Variants in ATG2B observed in about 807,000 individuals in gnomAD.
ATG2B encodes the protein autophagy-related protein 2 homolog B.
ATG2B carries 121 observed loss-of-function variants against 241.3 expected under a neutral mutation model. The observed-to-expected ratio is 0.50, with a 90% confidence interval of 0.43 to 0.58. The LOEUF is 0.58. ATG2B is among the 20% of genes least tolerant of loss of function. ATG2B has a pLI of 0.00. For missense variants in ATG2B, 2,306 were observed against 2,491.6 expected (o/e 0.93, Z 1.59); for synonymous variants, 858 against 876.6 (o/e 0.98, Z 0.37).
intron 29 of ATG2B, among the ~76,000 whole-genome samples, chr14:96,308,774 A>G (rs1887072733): frequency 6.6e-6 from 1 of 152,190 alleles, no homozygotes; most frequent in African/African-American, 2.4e-5. Flanking sequence ...AGATATAGCT[A>G]TGACCATTCA....
chr14:96,310,461 TAAAC>T (rs1887120073), intron 28 of ATG2B, among the ~76,000 whole-genome samples: 1 of 152,190 alleles, frequency 6.6e-6, no homozygotes, highest in South Asian at 2.1e-4. Context: ...GAAAAAATGC[TAAAC>T]AAACTGGACA....
At chr14:96,347,451 GA>G in intron 1 of ATG2B, 110 bp from the exon 2 acceptor site, 1 of 752,798 alleles carries the variant, frequency 1.3e-6, no homozygotes, top group Non-Finnish European at 2.0e-6. Context: ...TAGGTATAAA[GA>G]AAGCAGAGAC....
At chr14:96,295,986 G>A (rs1595294744) in intron 34 of ATG2B, among the ~76,000 whole-genome samples, 2 of 152,112 alleles carry the variant, frequency 1.3e-5, no homozygotes, top group African/African-American at 2.4e-5. Context: ...ACGGAGTCTC[G>A]CTCTGTCGCC....
At chr14:96,318,107 T>C in intron 18 of ATG2B, 1 of 308,844 alleles carries the variant, frequency 3.2e-6, no homozygotes. Flanking sequence ...AAATAGATAC[T>C]TGCCTAATTT....
rs573939241 is a variant in ATG2B, at chr14:96,321,279, T to C, written c.2879+833A>G. Among the ~76,000 whole-genome samples, 109 of 152,286 alleles carry C rather than the reference T, an allele frequency of 7.2e-4. 1 individual carries two copies. Among genetic ancestry groups the C allele is most frequent in the African/African-American group, 2.6e-3 (106 of 41,556 alleles). On this transcript the variant is annotated intron_variant, in intron 18 of 41. Transcript: ENST00000359933. ...ACAGTCTGAAGTTTCTGAAGATTAA[T>C]GGAAACTAGAATAACTTGTCTACAT...
intron 36 of ATG2B, among the ~76,000 whole-genome samples, chr14:96,292,791 T>C (rs967692141): frequency 3.3e-5 from 5 of 152,260 alleles, no homozygotes; most frequent in Non-Finnish European, 7.3e-5. Flanking sequence ...AATTATACAG[T>C]TGTCCCTTGG....
chr14:96,295,555 A>G lies in ATG2B; in HGVS notation c.5145T>C (p.Ala1715=), dbSNP rs765635736. 1 of 1,594,020 alleles carries G rather than the reference A, an allele frequency of 6.3e-7. No homozygotes were observed. The highest frequency in any genetic ancestry group is 1.2e-5 in the South Asian group (1 of 86,826). ...MPLRLNIDQD[A]LFFLKDFFTS... ...TGAAGAAATCCTTCAGGAAGAACAA[A>G]GCATCCTAAAATTAAGAGATGTAAT... The change falls in exon 35 of 42, where the codon GCT becomes GCC. Residue 1715 remains alanine (A), a synonymous_variant. Coordinates refer to ENST00000359933, the MANE Select transcript of ATG2B (RefSeq NM_018036.7).
rs1306852458 is a variant in ATG2B, at chr14:96,362,926, G to A, written c.51C>T (p.Leu17=). 1.2e-6 allele frequency: 2 copies of A among 1,613,720 alleles called. No homozygotes were observed. The highest frequency in any genetic ancestry group is 2.2e-5 in the East Asian group (1 of 44,856). Residue 17 remains leucine, a synonymous_variant, in exon 1 of 42, where the codon CTC becomes CTT. Coordinates refer to ENST00000359933, the MANE Select transcript of ATG2B (RefSeq NM_018036.7). ...GAAAGTGGCCCAGGTACCTCTGCAG[G>A]AGGTACCGGCAGGCCCTCTTCTTGA... ...ESIKKRACRY[L]LQRYLGHFLQ...
chr14:96,297,293 T>TAA (rs142896282), intron 34 of ATG2B, among the ~76,000 whole-genome samples: 1 of 143,428 alleles, frequency 7.0e-6, no homozygotes, highest in Admixed American at 6.9e-5. Context: ...ATTTCCTCTT[T>TAA]AAAAAAAAAA....
rs1394342306 is a variant in ATG2B at position 96,309,459 on chromosome 14, C to A, written c.4297G>T (p.Ala1433Ser). ...QQGTSSVKPQ[A>S]NGVLDEKSQI... ...AGAAGAGTCCTGGTCTTACCATTAG[C>A]CTGTGGTTTTACTGACGAGGTGCCT... The change falls in exon 29 of 42, where the codon GCT becomes TCT. Residue 1433 changes from alanine (A) to serine (S), a missense_variant. Ala to Ser is a moderately conservative substitution (Grantham distance 99). Around this residue, in one of 2 missense-constraint regions of ATG2B, gnomAD observed 1,927 missense variants for 2,011.2 expected, o/e 0.96. Coordinates refer to ENST00000359933, the MANE Select transcript of ATG2B (RefSeq NM_018036.7). 6.2e-7 allele frequency: 1 copy of A among 1,613,664 alleles called. No individual in the cohort carries two copies. Among genetic ancestry groups the A allele is most frequent in the Non-Finnish European group, 8.5e-7 (1 of 1,179,766 alleles).
In ATG2B at chr14:96,302,037, C is replaced by A; in HGVS notation, c.5109G>T (p.Ser1703=). The A allele has an allele frequency of 3.1e-6, 5 of 1,614,060 alleles. No homozygotes were observed. The highest frequency in any genetic ancestry group is 4.2e-6 in the Non-Finnish European group (5 of 1,179,978). ...CAATATTGAGGCGGAGCGGCATCAG[C>A]GACACTCTCAAGCAGCACTCCTGTG... ...RSPQECCLRV[S]LMPLRLNIDQ... is the part of the protein sequence containing the mutation. Residue 1703 remains serine, a synonymous_variant, in exon 34 of 42, where the codon TCG becomes TCT. Transcript: ENST00000359933.
chr14:96,311,515 A>C, intron 27 of ATG2B, 27 bp downstream of exon 27: 1 of 1,548,522 alleles, frequency 6.5e-7, no homozygotes, highest in African/African-American at 1.4e-5. Context: ...ATAGAACTTA[A>C]AATTTTCATT....
chr14:96,327,962 T>C (rs1038445158), intron 14 of ATG2B, among the ~76,000 whole-genome samples: 2 of 152,108 alleles, frequency 1.3e-5, no homozygotes, highest in African/African-American at 4.8e-5. Context: ...AGATTACAGG[T>C]GTGTGCCACC....
At chr14:96,334,546 AC>A (rs1340862162) in intron 6 of ATG2B, 45 bp from the exon 7 acceptor site, 2 of 1,129,238 alleles carry the variant, frequency 1.8e-6, no homozygotes, top group Non-Finnish European at 2.6e-6. Flanking sequence ...ATTCTTTATA[AC>A]CTTATCACCA....
In ATG2B at chr14:96,343,186, A is replaced by G. The variant is rs1039628221; in HGVS notation, c.677T>C (p.Val226Ala). 1.9e-6 allele frequency: 3 copies of G among 1,608,132 alleles called. No individual in the cohort carries two copies. The African/African-American group carries it at 4.0e-5, about 22-fold the overall frequency. The stretch of plus-strand genomic sequence containing the variant: ...AGAAAACTCATCCCAGAAGAGAGAC[A>G]CTCCAGAGAGCTGAAGTAACTTGTG... Reference protein sequence around the residue: ...FAHKLLQLSGVSLFWDEFSAS... With the variant: ...FAHKLLQLSGASLFWDEFSAS... Residue 226 changes from valine (V) to alanine (A), a missense_variant, in exon 5 of 42, where the codon GTG (valine) becomes GCG (alanine). Coordinates refer to ENST00000359933, the MANE Select transcript of ATG2B (RefSeq NM_018036.7).
rs920594245 is a variant in ATG2B at position 96,317,281 on chromosome 14, T to C, written c.3074A>G (p.Tyr1025Cys). Residue 1025 changes from tyrosine (Y) to cysteine (C), a missense_variant, in exon 20 of 42, where the codon TAT (tyrosine) becomes TGT (cysteine). This residue lies in a region of ATG2B where 1,927 missense variants were observed against 2,011.2 expected (regional missense o/e 0.96). Coordinates refer to ENST00000359933, the MANE Select transcript of ATG2B (RefSeq NM_018036.7). ...ATAGTTGGGATCAACAGTGGAAAAA[T>C]ACTGCAAAGTCTCCTCCTCAGATCC... ...ESGSEEETLQ[Y>C]FSTVDPNYRS... 3 of 1,613,732 alleles carry C rather than the reference T, an allele frequency of 1.9e-6. No homozygotes were observed. In the African/African-American group the frequency reaches 4.0e-5, roughly 22 times the overall value.
rs1173877146 is a variant in ATG2B at position 96,281,834 on chromosome 14, CACCT to C, written c.*3917_*3920del. 1 of 152,166 alleles carries C rather than the reference CACCT, an allele frequency of 6.6e-6. No homozygotes were observed. The highest frequency in any genetic ancestry group is 1.5e-5 in the Non-Finnish European group (1 of 68,032). 9.4% of individuals were successfully genotyped at this position (152,166 alleles called of 1,614,324 possible). ...GTAGGAAAGCAAAATATACCTCTAA[CACCT>C]ACGTTTACCAAAAAAGCTGACATCT... On this transcript the variant is annotated 3_prime_UTR_variant, in exon 42 of 42. Transcript: ENST00000359933.
chr14:96,362,922 G>A lies in ATG2B; in HGVS notation c.55C>T (p.Gln19Ter). Residue 19 changes from glutamine to a stop codon, truncating the protein, a stop_gained, in exon 1 of 42, where the codon CAG becomes TAG. Transcript: ENST00000359933. LOFTEE classifies it high-confidence loss of function. ...IKKRACRYLL[Q>*]RYLGHFLQEK... is the part of the protein sequence containing the mutation. Reference sequence around the variant, plus strand: ...TGCAGAAAGTGGCCCAGGTACCTCTGCAGGAGGTACCGGCAGGCCCTCTTC... The same window carrying A: ...TGCAGAAAGTGGCCCAGGTACCTCTACAGGAGGTACCGGCAGGCCCTCTTC... The A allele has an allele frequency of 6.2e-7, 1 of 1,613,628 alleles. No homozygotes were observed. Among genetic ancestry groups the A allele is most frequent in the Non-Finnish European group, 8.5e-7 (1 of 1,179,866 alleles).
Position 96,284,346 on chromosome 14 carries a change from T to G in ATG2B, c.*1409A>C, listed in dbSNP as rs994631330. On this transcript the variant is annotated 3_prime_UTR_variant, in exon 42 of 42. Coordinates refer to ENST00000359933, the MANE Select transcript of ATG2B (RefSeq NM_018036.7). Reference sequence around the variant, plus strand: ...AATTAAAAGCTATATAACCCCATTTTTATAAATTCTAAACATTTTGATTTT... The same window carrying G: ...AATTAAAAGCTATATAACCCCATTTGTATAAATTCTAAACATTTTGATTTT... 6.6e-6 allele frequency: 1 copy of G among 152,234 alleles called. No individual in the cohort carries two copies. Among genetic ancestry groups the G allele is most frequent in the African/African-American group, 2.4e-5 (1 of 41,464 alleles). The allele number at this position is 152,234 out of a possible 1,614,324, so 9.4% of individuals were successfully genotyped here. A position where few individuals can be genotyped will look rare whatever the true frequency, so the allele number is the denominator to read the frequency against.
Sources: allele counts gnomAD v4.1 joint callset (sites outside exome capture counted in the v4.1 genomes callset), GRCh38; gene constraint gnomAD v4.1.1; regional missense constraint gnomAD v4.1.1; transcripts MANE v1.5; gene names NCBI Gene and HGNC (gene_info 2026-07-23, HGNC 2026-07-21).